The following PTAR1 variants were observed in gnomAD, a reference collection of about 807,000 sequenced individuals.
The protein encoded by PTAR1 is protein prenyltransferase alpha subunit repeat containing 1.
PTAR1 carries 17 observed loss-of-function variants against 45.5 expected under a neutral mutation model. The ratio of observed to expected loss-of-function variants is 0.37; its 90% CI spans 0.26 to 0.56. PTAR1 has a LOEUF of 0.56. Ranked by LOEUF, PTAR1 falls within the 20% of genes least tolerant of loss-of-function variation. The pLI is 0.77. For missense variants in PTAR1, 391 were observed against 476.3 expected, an observed-to-expected ratio of 0.82 and a Z score of 1.67; for synonymous variants, 169 against 171.3, an observed-to-expected ratio of 0.99 and a Z score of 0.11.
chr9:69,715,683 G>T lies in PTAR1; in HGVS notation c.*2659C>A, dbSNP rs1343228769. 2 of 152,200 alleles carry T rather than the reference G, an allele frequency of 1.3e-5. No individual in the cohort carries two copies. The highest frequency in any genetic ancestry group is 4.8e-5 in the African/African-American group (2 of 41,548). 9.4% of individuals were successfully genotyped at this position (152,200 alleles called of 1,614,324 possible). On this transcript the variant is annotated 3_prime_UTR_variant, in exon 8 of 8. Transcript: ENST00000340434. Reference sequence around the variant, plus strand: ...TGAAGACTAAAAGTCCCAGAAAACAGACACATCCTTTCTACTACATAAGCT... The same window carrying T: ...TGAAGACTAAAAGTCCCAGAAAACATACACATCCTTTCTACTACATAAGCT...
chr9:69,728,313 C>CAT (rs1251687133), intron 5 of PTAR1, among the ~76,000 whole-genome samples: 4 of 152,028 alleles, frequency 2.6e-5, no homozygotes, highest in Non-Finnish European at 4.4e-5. Context: ...ATTACAGGGT[C>CAT]ATATATGGTA....
chr9:69,756,415 A>G (rs761922913), intron 1 of PTAR1, among the ~76,000 whole-genome samples: 3 of 152,214 alleles, frequency 2.0e-5, no homozygotes, highest in Admixed American at 6.5e-5. Context: ...CCATTAGGAT[A>G]GGGACCATGT....
chr9:69,754,530 A>ATTTTTTTTTTTTTT (rs1588489795), intron 1 of PTAR1, among the ~76,000 whole-genome samples: 1 of 117,220 alleles, frequency 8.5e-6, no homozygotes, highest in African/African-American at 3.7e-5. Flanking sequence ...TTGGGTATAT[A>ATTTTTTTTTTTTTT]TCTTTTTTTT....
chr9:69,745,961 G>C (rs1437785539), intron 2 of PTAR1, among the ~76,000 whole-genome samples: 1 of 152,200 alleles, frequency 6.6e-6, no homozygotes, highest in African/African-American at 2.4e-5. Context: ...CTGCTGAGCA[G>C]AGGGATACTT....
At chr9:69,740,621 G>A (rs1359968117) in intron 3 of PTAR1, among the ~76,000 whole-genome samples, 3 of 149,468 alleles carry the variant, frequency 2.0e-5, no homozygotes, top group East Asian at 2.0e-4. Context: ...ATTATGTACC[G>A]GCACTAGAGT....
intron 1 of PTAR1, among the ~76,000 whole-genome samples, chr9:69,753,339 GC>G (rs1323379451): frequency 6.6e-6 from 1 of 152,098 alleles, no homozygotes; most frequent in African/African-American, 2.4e-5. Context: ...TATAGCAGGT[GC>G]CCAATAGCTG....
chr9:69,731,249 G>A (rs1405044240), intron 5 of PTAR1, among the ~76,000 whole-genome samples: 10 of 152,152 alleles, frequency 6.6e-5, no homozygotes, highest in Non-Finnish European at 1.5e-4. Flanking sequence ...AGGGTGGTAA[G>A]TTAAAATTAC....
At chr9:69,736,992 T>A (rs1256066301) in intron 3 of PTAR1, among the ~76,000 whole-genome samples, 1 of 152,158 alleles carries the variant, frequency 6.6e-6, no homozygotes, top group Admixed American at 6.6e-5. Context: ...CATTTGTAGG[T>A]GTTGGATATT....
intron 2 of PTAR1, among the ~76,000 whole-genome samples, 157 bp from the exon 3 acceptor site, chr9:69,742,015 A>T (rs1244967629): frequency 6.6e-6 from 1 of 152,144 alleles, no homozygotes; most frequent in African/African-American, 2.4e-5. Context: ...CTAAGCTGTC[A>T]AGGATATGAA....
At position 69,716,354 on chromosome 9, in the gene PTAR1, G is replaced by A. The variant is rs1824726905; in HGVS notation, c.*1988C>T. 1 of 151,972 alleles carries A rather than the reference G, an allele frequency of 6.6e-6. No individual in the cohort carries two copies. Among genetic ancestry groups the A allele is most frequent in the African/African-American group, 2.4e-5 (1 of 41,384 alleles). The allele number at this position is 151,972 out of a possible 1,614,324, so 9.4% of individuals were successfully genotyped here. On this transcript the variant is annotated 3_prime_UTR_variant, in exon 8 of 8. Transcript: ENST00000340434. ...ATTCAAAATATGCTTTGTACACAAA[G>A]GGCCATGGAATTATGTTCATAATGG...
intron 5 of PTAR1, among the ~76,000 whole-genome samples, chr9:69,724,026 A>G (rs887126972): frequency 6.6e-6 from 1 of 152,210 alleles, no homozygotes. Context: ...ACTTTGATAT[A>G]AACTTTATTT....
chr9:69,710,119 A>C lies in PTAR1; in HGVS notation c.*8223T>G, dbSNP rs1824467238. 1 of 152,052 alleles carries C rather than the reference A, an allele frequency of 6.6e-6. No homozygotes were observed. Among genetic ancestry groups the C allele is most frequent in the Non-Finnish European group, 1.5e-5 (1 of 67,980 alleles). The allele number at this position is 152,052 out of a possible 1,614,324, so 9.4% of individuals were successfully genotyped here. A position where few individuals can be genotyped will look rare whatever the true frequency, so the allele number is the denominator to read the frequency against. On this transcript the variant is annotated 3_prime_UTR_variant, in exon 8 of 8. Transcript: ENST00000340434. ...GCCTACCTCACCATCTCCAAAGTTA[A>C]AGTCATATTTTATACTCTATGAATC...
intron 1 of PTAR1, among the ~76,000 whole-genome samples, chr9:69,755,153 A>G (rs1826716274): frequency 6.6e-6 from 1 of 152,204 alleles, no homozygotes; most frequent in African/African-American, 2.4e-5. Context: ...CTGCATAACT[A>G]AGAAGATCAT....
chr9:69,715,225 C>G lies in PTAR1; in HGVS notation c.*3117G>C, dbSNP rs1588436880. On this transcript the variant is annotated 3_prime_UTR_variant, in exon 8 of 8. Coordinates refer to ENST00000340434, the MANE Select transcript of PTAR1 (RefSeq NM_001099666.2). ...TGAAGAAAAAAAAAGTCTAAATCAA[C>G]TTACTCTATATGCAATAGCTCTTCC... 6.6e-6 allele frequency: 1 copy of G among 152,044 alleles called. No homozygotes were observed. The highest frequency in any genetic ancestry group is 6.6e-5 in the Admixed American group (1 of 15,248). 9.4% of individuals were successfully genotyped at this position (152,044 alleles called of 1,614,324 possible).
At position 69,733,183 on chromosome 9, in the gene PTAR1, A is replaced by G. The variant is rs554266043; in HGVS notation, c.429-831T>C. 2.0e-5 allele frequency among the ~76,000 whole-genome samples: 3 copies of G among 152,298 alleles called. No homozygotes were observed. In the East Asian group the frequency reaches 5.8e-4, roughly 29 times the overall value. On this transcript the variant is annotated intron_variant, in intron 4 of 7. Transcript: ENST00000340434. ...AGACAAGCCAAACTGATGGATGCAT[A>G]TTTAACAGTTCCTTTCCCCTGCCAC... is the stretch of plus-strand genomic sequence containing the variant.
Position 69,709,585 on chromosome 9 carries a change from C to T in PTAR1, c.*8757G>A, listed in dbSNP as rs1824447001. On this transcript the variant is annotated 3_prime_UTR_variant, in exon 8 of 8. Coordinates refer to ENST00000340434, the MANE Select transcript of PTAR1 (RefSeq NM_001099666.2). ...ACATTTAGCAAAGGTAAGACAAATA[C>T]TATTTTCCATATTCTACAGAAATAC... The T allele has an allele frequency of 6.6e-6, 1 of 152,174 alleles. No individual in the cohort carries two copies. Among genetic ancestry groups the T allele is most frequent in the Non-Finnish European group, 1.5e-5 (1 of 68,014 alleles). The allele number at this position is 152,174 out of a possible 1,614,324, so 9.4% of individuals were successfully genotyped here. A position where few individuals can be genotyped will look rare whatever the true frequency, so the allele number is the denominator to read the frequency against.
chr9:69,738,564 T>C (rs1356095607), intron 3 of PTAR1, among the ~76,000 whole-genome samples: 1 of 152,188 alleles, frequency 6.6e-6, no homozygotes, highest in East Asian at 1.9e-4. Context: ...TCATTCCAGC[T>C]ATGGCCACTG....
At chr9:69,743,769 T>G (rs1477049797) in intron 2 of PTAR1, among the ~76,000 whole-genome samples, 1 of 152,182 alleles carries the variant, frequency 6.6e-6, no homozygotes, top group African/African-American at 2.4e-5. Flanking sequence ...AGTAGGCCCT[T>G]AGGACTGAGT....
chr9:69,745,604 A>G (rs1185636759), intron 2 of PTAR1, among the ~76,000 whole-genome samples: 1 of 152,226 alleles, frequency 6.6e-6, no homozygotes, highest in African/African-American at 2.4e-5. Context: ...AGATACAGGA[A>G]GACTTATCAA....
Sources: allele counts gnomAD v4.1 joint callset (sites outside exome capture counted in the v4.1 genomes callset), GRCh38; gene constraint gnomAD v4.1.1; transcripts MANE v1.5; gene names NCBI Gene and HGNC (gene_info 2026-07-23, HGNC 2026-07-21).